CTSB: variants seen among roughly 807,000 people sequenced by gnomAD.
The protein encoded by CTSB is APP secretase.
CTSB carries 57 observed loss-of-function variants against 44.3 expected under a neutral mutation model. The ratio of observed to expected loss-of-function variants is 1.29; its 90% CI spans 1.04 to 1.60. The LOEUF (loss-of-function observed/expected upper bound fraction) is 1.60. CTSB is among the 40% of genes most tolerant of loss of function. CTSB has a pLI of 0.00. For missense variants in CTSB, 768 were observed against 443.0 expected (o/e 1.73, Z -6.59); for synonymous variants, 320 against 168.0 (o/e 1.91, Z -7.00).
At chr8:11,847,993 G>C in intron 6 of CTSB, 74 bp downstream of exon 6, 1 of 1,403,158 alleles carries the variant, frequency 7.1e-7, no homozygotes, top group Non-Finnish European at 9.9e-7. Context: ...AGTTTATAAA[G>C]GCAAATAAAG....
In CTSB at chr8:11,852,711, CCACT is replaced by C; in HGVS notation, c.127-20_127-17del. ...TGTGCCCGGCCTGGAAGAGAGTCAC[CCACT>C]GACTGAAGGGTCTCCCGGGATGGCG... On this transcript the variant is annotated splice_polypyrimidine_tract_variant and intron_variant, in intron 2 of 9. Transcript: ENST00000353047. 1 of 1,612,040 alleles carries C rather than the reference CCACT, an allele frequency of 6.2e-7. No homozygotes were observed. Among genetic ancestry groups the C allele is most frequent in the Non-Finnish European group, 8.5e-7 (1 of 1,178,606 alleles).
intron 6 of CTSB, 60 bp downstream of exon 6, chr8:11,848,007 T>C: frequency 7.7e-6 from 11 of 1,434,462 alleles, no homozygotes; most frequent in African/African-American, 1.4e-5. Flanking sequence ...AATAAAGCCA[T>C]GATGGTTAAT....
intron 2 of CTSB, 58 bp from the exon 3 acceptor site, chr8:11,852,753 G>A (rs1185733277): frequency 9.4e-6 from 14 of 1,493,700 alleles, no homozygotes; most frequent in East Asian, 6.8e-5. Flanking sequence ...GGATGGGCAC[G>A]CTGCCCACAC....
intron 1 of CTSB, among the ~76,000 whole-genome samples, chr8:11,858,543 G>T (rs1220124191): frequency 6.6e-6 from 1 of 152,210 alleles, no homozygotes; most frequent in Non-Finnish European, 1.5e-5. Flanking sequence ...GCCCGCCTTG[G>T]CCTCCCAAAG....
chr8:11,856,436 A>T (rs2150424377), intron 1 of CTSB, among the ~76,000 whole-genome samples: 1 of 152,234 alleles, frequency 6.6e-6, no homozygotes, highest in South Asian at 2.1e-4. Context: ...TAAGGTGGTG[A>T]AACCCTGTAT....
At chr8:11,851,716 G>A (rs1814628437) in intron 3 of CTSB, among the ~76,000 whole-genome samples, 2 of 151,928 alleles carry the variant, frequency 1.3e-5, no homozygotes, top group African/African-American at 2.4e-5. Context: ...CCATCCTCAC[G>A]TGGGAAGTGG....
rs774065785 is a variant in CTSB at position 11,852,667 on chromosome 8, A to G, written c.155T>C (p.Met52Thr). ...ACCACATAGCCTCTTCAAGTAGCTCATGTCCACGTTGTAGAAGTTGTGCCC... is the reference window on the plus strand; with the variant it reads ...ACCACATAGCCTCTTCAAGTAGCTCGTGTCCACGTTGTAGAAGTTGTGCCC... The part of the protein sequence containing the change: ...QAGHNFYNVD[M>T]SYLKRLCGTF... The change falls in exon 3 of 10, where the codon ATG (methionine) becomes ACG (threonine). Residue 52 changes from methionine (M) to threonine (T), a missense_variant. Transcript: ENST00000353047. The G allele has an allele frequency of 6.2e-7, 1 of 1,613,996 alleles. No individual in the cohort carries two copies. Among genetic ancestry groups the G allele is most frequent in the Admixed American group, 1.7e-5 (1 of 60,018 alleles).
intron 1 of CTSB, among the ~76,000 whole-genome samples, chr8:11,866,365 G>A (rs974960568): frequency 1.3e-5 from 2 of 152,330 alleles, no homozygotes; most frequent in African/African-American, 2.4e-5. Flanking sequence ...GCTGTGCCAG[G>A]GCCGTGTCTG....
chr8:11,853,707 A>AGC (rs2131063392), intron 1 of CTSB: 1 of 478,984 alleles, frequency 2.1e-6, no homozygotes, highest in East Asian at 3.4e-5. Context: ...CCAGAGAGAG[A>AGC]GCCAAGGGGC....
At chr8:11,860,792 T>C (rs753944571) in intron 1 of CTSB, among the ~76,000 whole-genome samples, 11 of 152,316 alleles carry the variant, frequency 7.2e-5, no homozygotes, top group East Asian at 1.9e-4. Context: ...CAGAGTACTT[T>C]GTTTCTTTCT....
intron 1 of CTSB, among the ~76,000 whole-genome samples, chr8:11,859,870 C>G (rs1294853346): frequency 6.7e-6 from 1 of 148,960 alleles, no homozygotes; most frequent in Non-Finnish European, 1.5e-5. Flanking sequence ...GTCAGGAGTT[C>G]AAGACCAGCC....
Position 11,845,700 on chromosome 8 carries a change from G to C in CTSB, c.883C>G (p.Leu295Val). ...WGVENGTPYW[L>V]VANSWNTDWG... Reference sequence around the variant, plus strand: ...TCAGTGTTCCAGGAGTTGGCAACCAGCCAGTAGGGTGTGCCATTCTCCACT... The same window carrying C: ...TCAGTGTTCCAGGAGTTGGCAACCACCCAGTAGGGTGTGCCATTCTCCACT... The change falls in exon 9 of 10, where the codon CTG (leucine) becomes GTG (valine). Residue 295 changes from leucine to valine, a missense_variant. Leu to Val is a conservative substitution (Grantham distance 32). Transcript: ENST00000353047. The C allele has an allele frequency of 6.2e-7, 1 of 1,614,132 alleles. No individual in the cohort carries two copies. The highest frequency in any genetic ancestry group is 8.5e-7 in the Non-Finnish European group (1 of 1,179,978).
intron 1 of CTSB, chr8:11,864,242 G>T (rs756679430): frequency 6.8e-6 from 1 of 147,926 alleles, no homozygotes; most frequent in Non-Finnish European, 1.5e-5. Flanking sequence ...GCCTAAGTGG[G>T]AGGAGGCAAG....
intron 1 of CTSB, among the ~76,000 whole-genome samples, chr8:11,858,141 C>T (rs531332486): frequency 6.4e-4 from 97 of 152,342 alleles, no homozygotes; most frequent in African/African-American, 2.2e-3. Context: ...AGCGCCGGCA[C>T]ATGCCTGGCA....
intron 5 of CTSB, chr8:11,848,709 A>C: frequency 3.2e-6 from 1 of 310,638 alleles, no homozygotes; most frequent in Non-Finnish European, 6.3e-6. Context: ...CGCTAACTAC[A>C]CATAAGGAAA....
rs747392391 is a variant in CTSB at position 11,853,470 on chromosome 8, C to G, written c.-16G>C. 4.3e-6 allele frequency: 7 copies of G among 1,609,644 alleles called. No individual in the cohort carries two copies. Among genetic ancestry groups the G allele is most frequent in the Non-Finnish European group, 5.9e-6 (7 of 1,178,872 alleles). The stretch of plus-strand genomic sequence containing the variant: ...GCTGCCACATGTTGGAAGCCGGATC[C>G]TAGATCCACCTGGAGAGGACAGAGG... On this transcript the variant is annotated 5_prime_UTR_variant, in exon 2 of 10. Transcript: ENST00000353047.
intron 1 of CTSB, among the ~76,000 whole-genome samples, chr8:11,857,426 A>G (rs1285508219): frequency 6.6e-6 from 1 of 152,192 alleles, no homozygotes; most frequent in Non-Finnish European, 1.5e-5. Flanking sequence ...CTGTGAGGTT[A>G]GCATGTCTCG....
chr8:11,852,821 G>A, intron 2 of CTSB, 126 bp from the exon 3 acceptor site: 1 of 770,768 alleles, frequency 1.3e-6, no homozygotes, highest in Admixed American at 2.4e-5. Flanking sequence ...CCCAAGGGTT[G>A]GGGGGCACTG....
At chr8:11,856,546 G>C (rs1434763074) in intron 1 of CTSB, among the ~76,000 whole-genome samples, 1 of 152,150 alleles carries the variant, frequency 6.6e-6, no homozygotes, top group East Asian at 1.9e-4. Flanking sequence ...CCAGGAGGCA[G>C]AGGCTGCACT....
Sources: gnomAD v4.1 joint callset for allele counts (sites outside exome capture counted in the v4.1 genomes callset) on GRCh38, gnomAD v4.1.1 for gene constraint, MANE v1.5 for transcripts, NCBI Gene and HGNC (gene_info 2026-07-23, HGNC 2026-07-21) for gene names.